JAK1: variants seen among roughly 807,000 people sequenced by gnomAD.
The protein encoded by JAK1 is Janus kinase 1.
Under a neutral mutation model 136.6 loss-of-function variants are expected in JAK1, and 16 were observed. That is an observed-to-expected ratio of 0.12 (90% CI 0.08 to 0.18). The LOEUF (loss-of-function observed/expected upper bound fraction) is 0.18. Among genes scored for constraint, JAK1 ranks in the 10% least tolerant of loss-of-function variants. The pLI is 1.00. For synonymous variants in JAK1, 492 were observed against 519.5 expected, an observed-to-expected ratio of 0.95 and a Z score of 0.72; for missense variants, 859 against 1,450.1, an observed-to-expected ratio of 0.59 and a Z score of 6.62.
intron 1 of JAK1, among the ~76,000 whole-genome samples, chr1:65,059,931 T>C (rs1457238765): frequency 2.6e-5 from 4 of 152,178 alleles, no homozygotes; most frequent in Non-Finnish European, 5.9e-5. Context: ...GTACAGTGAA[T>C]CTAACTCAAC....
intron 1 of JAK1, among the ~76,000 whole-genome samples, chr1:64,895,299 C>T (rs1280359262): frequency 1.3e-5 from 2 of 152,172 alleles, no homozygotes; most frequent in African/African-American, 2.4e-5. Context: ...TTCCCTCTAC[C>T]TTCTATTCTA....
chr1:64,914,573 T>C (rs185650396), intron 1 of JAK1, among the ~76,000 whole-genome samples: 12 of 152,306 alleles, frequency 7.9e-5, no homozygotes, highest in Non-Finnish European at 1.5e-4. Flanking sequence ...TGGTTTTGTT[T>C]TGTTTTTTTG....
At chr1:64,932,300 C>T (rs181763040) in intron 1 of JAK1, among the ~76,000 whole-genome samples, 1 of 152,204 alleles carries the variant, frequency 6.6e-6, no homozygotes, top group Admixed American at 6.5e-5. Context: ...GTAATCCCAG[C>T]TACTTGGGAG....
rs765629959 is a variant in JAK1 at position 64,855,593 on chromosome 1, G to A, written c.1564C>T (p.Leu522Phe). ...SDRSFPSLGDLMSHLKKQILR... is the reference protein window; with the variant it reads ...SDRSFPSLGDFMSHLKKQILR... ...ATCTGCTTCTTGAGGTGGCTCATGAGGTCTCCCAAGCTGGGGAAGCTGCGG... is the reference window on the plus strand; with the variant it reads ...ATCTGCTTCTTGAGGTGGCTCATGAAGTCTCCCAAGCTGGGGAAGCTGCGG... Residue 522 changes from leucine to phenylalanine, a missense_variant, in exon 11 of 25, where the codon CTC (leucine) becomes TTC (phenylalanine). By Grantham distance (22) the Leu-to-Phe change is conservative. This residue lies in a region of JAK1 where 409 missense variants were observed against 753.8 expected (regional missense o/e 0.54). Transcript: ENST00000342505. 25 of 1,614,026 alleles carry A rather than the reference G, an allele frequency of 1.5e-5. No individual in the cohort carries two copies. The highest frequency in any genetic ancestry group is 2.2e-5 in the East Asian group (1 of 44,896).
intron 2 of JAK1, chr1:64,991,463 A>G (rs1646656465): frequency 6.6e-6 from 1 of 152,248 alleles, no homozygotes. Context: ...GAAACCAATC[A>G]TATTGGATTA....
chr1:65,050,697 C>T (rs1256241678), intron 1 of JAK1, among the ~76,000 whole-genome samples: 1 of 152,178 alleles, frequency 6.6e-6, no homozygotes, highest in Non-Finnish European at 1.5e-5. Context: ...CAGAAAAAGG[C>T]AACAGTGGAC....
At chr1:64,981,609 T>C (rs569383895) in intron 2 of JAK1, among the ~76,000 whole-genome samples, 1 of 152,202 alleles carries the variant, frequency 6.6e-6, no homozygotes, top group Non-Finnish European at 1.5e-5. Context: ...ATGCACTGAG[T>C]ATTTAATCAA....
intron 23 of JAK1, 24 bp downstream of exon 23, chr1:64,836,074 A>G: frequency 7.5e-7 from 1 of 1,335,544 alleles, no homozygotes; most frequent in Non-Finnish European, 1.1e-6. Flanking sequence ...ACTGGATTCA[A>G]ATGAAGAGAA....
At chr1:65,051,286 A>G (rs1423654045) in intron 1 of JAK1, among the ~76,000 whole-genome samples, 1 of 152,134 alleles carries the variant, frequency 6.6e-6, no homozygotes, top group Non-Finnish European at 1.5e-5. Flanking sequence ...TTAAAAATCC[A>G]TAATTCCCTC....
chr1:64,902,583 A>AGAGAGAGAGAGAGAGAGAGAGAGTGTGT lies in JAK1; in HGVS notation c.-77-16243_-77-16242insACACACTCTCTCTCTCTCTCTCTCTCTC. Among the ~76,000 whole-genome samples, 55 of 73,780 alleles carry AGAGAGAGAGAGAGAGAGAGAGAGTGTGT rather than the reference A, an allele frequency of 7.5e-4. 2 individuals carry two copies. Among genetic ancestry groups the AGAGAGAGAGAGAGAGAGAGAGAGTGTGT allele is most frequent in the African/African-American group, 3.3e-3 (54 of 16,204 alleles). 48.4% of individuals were successfully genotyped at this position (73,780 alleles called of 152,430 possible). A position where few individuals can be genotyped will look rare whatever the true frequency, so the allele number is the denominator to read the frequency against. ...GAGAGAGAGAGAGAGAGAGAGAGAG[A>AGAGAGAGAGAGAGAGAGAGAGAGTGTGT]GTGTGTGTGTGTGTGTGTGTGTGTG... is the stretch of plus-strand genomic sequence containing the variant. On this transcript the variant is annotated intron_variant, in intron 1 of 24. Transcript: ENST00000342505.
At position 64,857,479 on chromosome 1, in the gene JAK1, A is replaced by G. The variant is rs566020420; in HGVS notation, c.1458+177T>C. Among the ~76,000 whole-genome samples, 10 of 152,222 alleles carry G rather than the reference A, an allele frequency of 6.6e-5. No homozygotes were observed. In the South Asian group the frequency reaches 2.1e-3, roughly 32 times the overall value. On this transcript the variant is annotated intron_variant, in intron 10 of 24. Transcript: ENST00000342505. ...GGATGCAGGGGTCTGGCTACTGGGGAGCAGTCTCCTTTTGAGAGCAGGGGC... is the reference window on the plus strand; with the variant it reads ...GGATGCAGGGGTCTGGCTACTGGGGGGCAGTCTCCTTTTGAGAGCAGGGGC...
At chr1:64,942,638 C>A (rs975961449) in intron 1 of JAK1, among the ~76,000 whole-genome samples, 4 of 152,192 alleles carry the variant, frequency 2.6e-5, no homozygotes, top group Non-Finnish European at 5.9e-5. Context: ...TCAAATGTAA[C>A]AATTTAGCAT....
chr1:65,041,490 C>CACCTGTGCTCCA lies in JAK1; in HGVS notation c.-78+2978_-78+2989dup, dbSNP rs541944552. 2.2e-3 allele frequency among the ~76,000 whole-genome samples: 329 copies of CACCTGTGCTCCA among 152,174 alleles called. 4 individuals are homozygous for CACCTGTGCTCCA. The highest frequency in any genetic ancestry group is 7.6e-3 in the African/African-American group (316 of 41,514). ...AGGACCCTGGATATGCCTAGCGACC[C>CACCTGTGCTCCA]ACCTGTGCTCCAACCTGTGCTCTCT... On this transcript the variant is annotated intron_variant, in intron 2 of 25. Transcript: ENST00000671954.
Position 65,063,670 on chromosome 1 carries a change from T to C in JAK1, c.-181+3934A>G, listed in dbSNP as rs1168860767. On this transcript the variant is annotated intron_variant, in intron 1 of 25. Coordinates refer to the JAK1 transcript ENST00000671954. ...AATACAAAAAATCTGCCGGGCGTGGTGGCACACACCTGTAGTCCCAGCTAC... is the reference window on the plus strand; with the variant it reads ...AATACAAAAAATCTGCCGGGCGTGGCGGCACACACCTGTAGTCCCAGCTAC... Among the ~76,000 whole-genome samples the C allele has an allele frequency of 2.6e-5, 4 of 151,962 alleles. No individual in the cohort carries two copies. The South Asian group carries it at 8.3e-4, about 32-fold the overall frequency.
intron 2 of JAK1, among the ~76,000 whole-genome samples, chr1:65,018,943 G>A (rs1333519244): frequency 6.6e-6 from 1 of 152,170 alleles, no homozygotes; most frequent in Admixed American, 6.5e-5. Context: ...CCCAGGAGGC[G>A]GAGCTTGCAG....
At chr1:64,904,671 G>A (rs1645163680) in intron 1 of JAK1, among the ~76,000 whole-genome samples, 1 of 151,970 alleles carries the variant, frequency 6.6e-6, no homozygotes, top group African/African-American at 2.4e-5. Context: ...TTCTTCTTGG[G>A]TAGATGACTT....
rs751933525 is a variant in JAK1, at chr1:64,844,800, G to A, written c.2205C>T (p.Ile735=). The stretch of plus-strand genomic sequence containing the variant: ...TGGGGATGCCGGGGTCACTGAGCTT[G>A]ATGAATGGGCCACACTCACTGTCGA... ...EGIDSECGPF[I]KLSDPGIPIT... is the part of the protein sequence containing the mutation. Residue 735 remains isoleucine (I), a synonymous_variant, in exon 16 of 25, where the codon ATC becomes ATT. Coordinates refer to ENST00000342505, the MANE Select transcript of JAK1 (RefSeq NM_002227.4). This position sits in a 1 kb window ranked among gnomAD's most constrained non-coding sequence, Gnocchi z 5.7. 1 of 1,614,204 alleles carries A rather than the reference G, an allele frequency of 6.2e-7. No individual in the cohort carries two copies. Among genetic ancestry groups the A allele is most frequent in the Admixed American group, 1.7e-5 (1 of 60,032 alleles).
At chr1:64,838,657 C>T in intron 20 of JAK1, 68 bp from the exon 21 acceptor site, 1 of 1,558,984 alleles carries the variant, frequency 6.4e-7, no homozygotes, top group Non-Finnish European at 8.7e-7. Flanking sequence ...GGCAAGGGCA[C>T]AGGATATGAG....
At chr1:64,846,577 G>A (rs887812735) in intron 14 of JAK1, 72 bp downstream of exon 14, 29 of 1,107,392 alleles carry the variant, frequency 2.6e-5, no homozygotes, top group Non-Finnish European at 3.6e-5. Context: ...GGTGGGAAGA[G>A]CCTCCACCAT....
Sources: allele counts gnomAD v4.1 joint callset (sites outside exome capture counted in the v4.1 genomes callset), GRCh38; gene constraint gnomAD v4.1.1; regional missense constraint gnomAD v4.1.1; non-coding constraint Gnocchi (gnomAD v3.1); transcripts MANE v1.5; gene names NCBI Gene and HGNC (gene_info 2026-07-23, HGNC 2026-07-21).